The following CNTN2 variants were observed in gnomAD, a reference collection of about 807,000 sequenced individuals.
CNTN2 encodes contactin-2.
A neutral mutation model predicts 117.5 loss-of-function variants in CNTN2; 53 were observed. The observed-to-expected ratio is 0.45, with a 90% CI of 0.36 to 0.57. The LOEUF (loss-of-function observed/expected upper bound fraction) is 0.57. Ranked by LOEUF, CNTN2 falls within the 20% of genes least tolerant of loss-of-function variation. The pLI is 0.00. For missense variants in CNTN2, 1,106 were observed against 1,404.3 expected (o/e 0.79, Z 3.39); for synonymous variants, 530 against 561.7 (o/e 0.94, Z 0.80).
At position 205,069,943 on chromosome 1, in the gene CNTN2, T is replaced by C. The variant is rs751678441; in HGVS notation, c.2313T>C (p.Phe771=). The change falls in exon 18 of 23, where the codon TTT becomes TTC. Residue 771 remains phenylalanine (F), a synonymous_variant. Transcript: ENST00000331830. ...TGCCTGGCGCCGATGCCCAGTACTT[T>C]GTCTACAGCAACGAGAGCGTCCGGC... is the stretch of plus-strand genomic sequence containing the variant. ...ARVPGADAQY[F]VYSNESVRPY... The C allele has an allele frequency of 3.1e-6, 5 of 1,613,578 alleles. No individual in the cohort carries two copies. The African/African-American group carries it at 5.3e-5, about 17-fold the overall frequency.
At chr1:205,043,637 G>C (rs2151178986) in intron 1 of CNTN2, among the ~76,000 whole-genome samples, 1 of 152,296 alleles carries the variant, frequency 6.6e-6, no homozygotes, top group East Asian at 1.9e-4. Flanking sequence ...GGCCGAGCCT[G>C]GCCGAAAAGC....
At chr1:205,044,155 A>G (rs1342850433) in intron 1 of CNTN2, among the ~76,000 whole-genome samples, 1 of 152,024 alleles carries the variant, frequency 6.6e-6, no homozygotes, top group Non-Finnish European at 1.5e-5. Context: ...CAGTAAGGAA[A>G]GGGGCTGGGG....
In CNTN2 at chr1:205,064,405, C is replaced by A. The variant is rs371470696; in HGVS notation, c.1324C>A (p.Pro442Thr). The change falls in exon 11 of 23, where the codon CCC becomes ACC. Residue 442 changes from proline (P) to threonine (T), a missense_variant. Pro to Thr is a conservative substitution (Grantham distance 38, BLOSUM62 -1). Coordinates refer to ENST00000331830, the MANE Select transcript of CNTN2 (RefSeq NM_005076.5). ...GGGAGAGATCCTTATCCCCTGCCAG[C>A]CCCGGGCAGCTCCAAAGGCCGTGGT... ...RGGEILIPCQ[P>T]RAAPKAVVLW... The A allele has an allele frequency of 3.7e-6, 6 of 1,612,962 alleles. No individual in the cohort carries two copies. In the African/African-American group the frequency reaches 8.0e-5, roughly 22 times the overall value.
At chr1:205,054,729 C>A (rs929031872) in intron 2 of CNTN2, among the ~76,000 whole-genome samples, 2 of 152,186 alleles carry the variant, frequency 1.3e-5, no homozygotes, top group Non-Finnish European at 2.9e-5. Context: ...TGGCCCCCAC[C>A]CCTCCCAGGA....
chr1:205,052,254 A>G (rs2096454174), intron 1 of CNTN2, among the ~76,000 whole-genome samples: 1 of 152,182 alleles, frequency 6.6e-6, no homozygotes, highest in Admixed American at 6.5e-5. Flanking sequence ...CTGAACTAGG[A>G]AAGTCCTCCC....
rs1027481080 is a variant in CNTN2, at chr1:205,077,860, C to G, written c.*4095C>G. The stretch of plus-strand genomic sequence containing the variant: ...AGCTTGGCAAATGCTAGGGCTTCAT[C>G]AGACCACTGACTTGACTCAGTGTTT... On this transcript the variant is annotated 3_prime_UTR_variant, in exon 23 of 23. Coordinates refer to ENST00000331830, the MANE Select transcript of CNTN2 (RefSeq NM_005076.5). 6.6e-6 allele frequency: 1 copy of G among 152,232 alleles called. No individual in the cohort carries two copies. The highest frequency in any genetic ancestry group is 6.5e-5 in the Admixed American group (1 of 15,276). The allele number at this position is 152,232 out of a possible 1,614,324, so 9.4% of individuals were successfully genotyped here. A position where few individuals can be genotyped will look rare whatever the true frequency, so the allele number is the denominator to read the frequency against.
intron 16 of CNTN2, 70 bp downstream of exon 16, chr1:205,067,320 C>G (rs1220974545): frequency 6.5e-7 from 1 of 1,532,776 alleles, no homozygotes; most frequent in African/African-American, 1.4e-5. Context: ...TAGGGAATGC[C>G]AAGCCAGCCG....
At chr1:205,054,658 G>A (rs765520725) in intron 2 of CNTN2, among the ~76,000 whole-genome samples, 15 of 152,338 alleles carry the variant, frequency 9.8e-5, no homozygotes, top group Middle Eastern at 6.8e-3. Context: ...CCAAGGGGCT[G>A]GGATCTGGTC....
chr1:205,045,398 G>C (rs765807932), intron 1 of CNTN2, among the ~76,000 whole-genome samples: 1 of 152,150 alleles, frequency 6.6e-6, no homozygotes, highest in South Asian at 2.1e-4. Flanking sequence ...ATGGGCCTCC[G>C]AGGAATTGTG....
In CNTN2 at chr1:205,073,742, C is replaced by A; in HGVS notation, c.3100C>A (p.Leu1034Ile). 6.2e-7 allele frequency: 1 copy of A among 1,613,944 alleles called. No individual in the cohort carries two copies. Among genetic ancestry groups the A allele is most frequent in the Non-Finnish European group, 8.5e-7 (1 of 1,180,012 alleles). Residue 1034 changes from leucine to isoleucine, a missense_variant, in exon 23 of 23, where the codon CTC becomes ATC. Physicochemically the swap from Leu to Ile is conservative, Grantham distance 5. Transcript: ENST00000331830. The surrounding 1 kb of genome is among the most constrained non-coding windows in gnomAD (Gnocchi z 6.3). Reference sequence around the variant, plus strand: ...TTCCCACTCCGTGGCGATGCTGATCCTCATAGGCTCCCTGGAGCTCTGATC... The same window carrying A: ...TTCCCACTCCGTGGCGATGCTGATCATCATAGGCTCCCTGGAGCTCTGATC... The part of the protein sequence containing the change: ...VISHSVAMLI[L>I]IGSLEL
At chr1:205,070,114 G>A (rs1654514465) in intron 18 of CNTN2, 53 bp downstream of exon 18, 2 of 1,550,972 alleles carry the variant, frequency 1.3e-6, no homozygotes, top group Non-Finnish European at 1.8e-6. Context: ...CTTGTCCACA[G>A]GGATGTGGGG....
chr1:205,050,728 C>A (rs1319929233), intron 1 of CNTN2, among the ~76,000 whole-genome samples: 2 of 152,300 alleles, frequency 1.3e-5, no homozygotes. Context: ...AAGTGATTCT[C>A]ATGCCTCAGC....
In CNTN2 at chr1:205,072,586, C is replaced by T. The variant is rs141466578; in HGVS notation, c.2835C>T (p.Thr945=). Residue 945 remains threonine (T), a synonymous_variant, in exon 21 of 23, where the codon ACC becomes ACT. Coordinates refer to ENST00000331830, the MANE Select transcript of CNTN2 (RefSeq NM_005076.5). Reference sequence around the variant, plus strand: ...CTTTCCGAAATGAGTCTGCAGTCACCGGCTATAAGGTGAGGAAGCAATCAG... The same window carrying T: ...CTTTCCGAAATGAGTCTGCAGTCACTGGCTATAAGGTGAGGAAGCAATCAG... ...VVPFRNESAV[T]GYKMLYQNDL... 6.3e-5 allele frequency: 101 copies of T among 1,611,524 alleles called. No homozygotes were observed. In the African/African-American group the frequency reaches 7.3e-4, roughly 12 times the overall value.
chr1:205,060,100 G>A lies in CNTN2; in HGVS notation c.797+418G>A, dbSNP rs551732062. The A allele has an allele frequency of 4.6e-5, 9 of 194,018 alleles. No individual in the cohort carries two copies. The South Asian group carries it at 1.0e-3, about 23-fold the overall frequency. 12.0% of individuals were successfully genotyped at this position (194,018 alleles called of 1,614,324 possible). ...GTGATAATAGTACCTACCTCATAGGGTTGTCATGAGGATTAAATCAGTTCA... is the reference window on the plus strand; with the variant it reads ...GTGATAATAGTACCTACCTCATAGGATTGTCATGAGGATTAAATCAGTTCA... On this transcript the variant is annotated intron_variant, in intron 7 of 22. Coordinates refer to ENST00000331830, the MANE Select transcript of CNTN2 (RefSeq NM_005076.5).
intron 14 of CNTN2, 27 bp from the exon 15 acceptor site, chr1:205,066,414 C>G: frequency 6.2e-7 from 1 of 1,608,416 alleles, no homozygotes; most frequent in Non-Finnish European, 8.5e-7. Context: ...CAATTCTGAC[C>G]CACTGTGCTC....
chr1:205,045,527 A>G (rs2096440099), intron 1 of CNTN2, among the ~76,000 whole-genome samples: 1 of 152,190 alleles, frequency 6.6e-6, no homozygotes, highest in Admixed American at 6.5e-5. Flanking sequence ...CAGGGAAGCA[A>G]CGCATTTGGG....
rs773067015 is a variant in CNTN2, at chr1:205,059,096, G to A, written c.500G>A (p.Arg167His). 22 of 1,614,116 alleles carry A rather than the reference G, an allele frequency of 1.4e-5. No individual in the cohort carries two copies. The highest frequency in any genetic ancestry group is 1.3e-4 in the Admixed American group (8 of 60,014). ...PPAHYPGLSY[R>H]WLLNEFPNFI... is the part of the protein sequence containing the mutation. Reference sequence around the variant, plus strand: ...CCTCACATCCTAGGCTTGTCCTACCGCTGGCTCCTCAACGAGTTCCCCAAC... The same window carrying A: ...CCTCACATCCTAGGCTTGTCCTACCACTGGCTCCTCAACGAGTTCCCCAAC... Residue 167 changes from arginine (R) to histidine (H), a missense_variant, in exon 6 of 23, where the codon CGC becomes CAC. Transcript: ENST00000331830. This position sits in a 1 kb window ranked among gnomAD's most constrained non-coding sequence, Gnocchi z 5.6.
chr1:205,059,025 C>T lies in CNTN2; in HGVS notation c.488-59C>T, dbSNP rs1297282655. ...ACCGCACCAGCATGCTGGGGTCCCA[C>T]CCAGAGTGGCCCTGTTAGCCCAGCA... On this transcript the variant is annotated intron_variant, in intron 5 of 22. Coordinates refer to ENST00000331830, the MANE Select transcript of CNTN2 (RefSeq NM_005076.5). This position sits in a 1 kb window ranked among gnomAD's most constrained non-coding sequence, Gnocchi z 5.6. The T allele has an allele frequency of 2.7e-6, 4 of 1,472,498 alleles. No individual in the cohort carries two copies. The highest frequency in any genetic ancestry group is 3.7e-6 in the Non-Finnish European group (4 of 1,072,146). 91.2% of individuals were successfully genotyped at this position (1,472,498 alleles called of 1,614,324 possible).
Position 205,066,464 on chromosome 1 carries a change from G to T in CNTN2, c.1840G>T (p.Val614Leu), listed in dbSNP as rs2151195932. ...AGGTCCGCCAGGTCCCCCAGGAGGT[G>T]TGGTGGTGAGGGACATTGGCGACAC... ...VRGPPGPPGG[V>L]VVRDIGDTTI... Residue 614 changes from valine to leucine, a missense_variant, in exon 15 of 23, where the codon GTG becomes TTG. Transcript: ENST00000331830. The T allele has an allele frequency of 6.2e-7, 1 of 1,614,052 alleles. No homozygotes were observed.
Sources: allele counts gnomAD v4.1 joint callset (sites outside exome capture counted in the v4.1 genomes callset), GRCh38; gene constraint gnomAD v4.1.1; non-coding constraint Gnocchi (gnomAD v3.1); transcripts MANE v1.5; gene names NCBI Gene and HGNC (gene_info 2026-07-23, HGNC 2026-07-21).